The following SGCG variants were observed in gnomAD, a reference collection of about 807,000 sequenced individuals.
SGCG encodes gamma-sarcoglycan.
In SGCG, 26 loss-of-function variants were observed where a neutral mutation model predicts 29.3. The observed-to-expected ratio is 0.89, with a 90% CI of 0.65 to 1.23. SGCG has a LOEUF of 1.23. Among genes scored for constraint, SGCG ranks in the 50% most tolerant of loss-of-function variants. SGCG has a pLI of 0.00. For synonymous variants in SGCG, 145 were observed against 129.7 expected (o/e 1.12, Z -0.80); for missense variants, 353 against 356.0 (o/e 0.99, Z 0.07).
chr13:23,320,911 G>T, intron 7 of SGCG, 151 bp downstream of exon 7: 1 of 840,842 alleles, frequency 1.2e-6, no homozygotes, highest in Non-Finnish European at 1.9e-6. Flanking sequence ...GAAAGCAAAA[G>T]ACAATTTAGC....
intron 4 of SGCG, among the ~76,000 whole-genome samples, chr13:23,251,500 A>G (rs949494628): frequency 6.6e-6 from 1 of 152,206 alleles, no homozygotes; most frequent in Non-Finnish European, 1.5e-5. Context: ...GAAGGAATGC[A>G]GGCCAGGCAT....
In SGCG at chr13:23,320,617, G is replaced by GTTTTTT; in HGVS notation, c.579-20_579-19insTTTTTT. The GTTTTTT allele has an allele frequency of 3.3e-5, 30 of 912,330 alleles. No individual in the cohort carries two copies. The highest frequency in any genetic ancestry group is 1.8e-4 in the East Asian group (5 of 27,302). 56.5% of individuals were successfully genotyped at this position (912,330 alleles called of 1,614,324 possible). ...TAATACTTTTTTTTTTTTTTTTTGT[G>GTTTTTT]CTTCTTTTCCTCATCTCAGATTAGA... On this transcript the variant is annotated intron_variant, in intron 6 of 7. Coordinates refer to ENST00000218867, the MANE Select transcript of SGCG (RefSeq NM_000231.3).
In SGCG at chr13:23,301,542, C is replaced by T. The variant is rs140036833; in HGVS notation, c.578+6055C>T. Among the ~76,000 whole-genome samples, 8 of 152,124 alleles carry T rather than the reference C, an allele frequency of 5.3e-5. 1 individual carries two copies. In the East Asian group the frequency reaches 1.2e-3, roughly 22 times the overall value. ...ATGCTAACCAAAAGAAAGTAGGCAT[C>T]GCGATATTAATAGCAGACAGAATCA... is the stretch of plus-strand genomic sequence containing the variant. On this transcript the variant is annotated intron_variant, in intron 6 of 7. Transcript: ENST00000218867.
Position 23,181,885 on chromosome 13 carries a change from G to A in SGCG, c.-1+810G>A, listed in dbSNP as rs142489699. On this transcript the variant is annotated intron_variant, in intron 1 of 7. Transcript: ENST00000218867. ...GCAGACCAGTACAAAAACGAACTAC[G>A]GAATACACCGTTTGTTTTTTGCTTA... Among the ~76,000 whole-genome samples, 24 of 152,314 alleles carry A rather than the reference G, an allele frequency of 1.6e-4. No homozygotes were observed. The East Asian group carries it at 3.9e-3, about 24-fold the overall frequency.
chr13:23,170,317 T>G, the SGCG span, among the ~76,000 whole-genome samples: 715 of 152,336 alleles, frequency 4.7e-3, 8 homozygotes, highest in Non-Finnish European at 7.0e-3. Flanking sequence ...TCCTTTCCTA[T>G]GAAAACAAAT....
intron 4 of SGCG, among the ~76,000 whole-genome samples, chr13:23,272,595 A>G (rs73168687): frequency 0.05 from 7,626 of 152,136 alleles, 283 homozygotes; most frequent in Middle Eastern, 0.082. Context: ...ATACTAGCTT[A>G]TAGTATTTTT....
At chr13:23,250,311 C>G (rs1263713972) in intron 3 of SGCG, among the ~76,000 whole-genome samples, 2 of 152,126 alleles carry the variant, frequency 1.3e-5, no homozygotes, top group African/African-American at 4.8e-5. Context: ...TTGTAGGTGT[C>G]TTTCCTTGAC....
At chr13:23,291,875 GC>G (rs963987569) in intron 5 of SGCG, among the ~76,000 whole-genome samples, 70 of 152,254 alleles carry the variant, frequency 4.6e-4, no homozygotes, top group African/African-American at 1.7e-3. Flanking sequence ...AAATCGAGGG[GC>G]TGGGGAAAAA....
rs375501982 is a variant in SGCG at position 23,266,333 on chromosome 13, A to C, written c.386-13026A>C. Reference sequence around the variant, plus strand: ...TGATATATGTAATTGTGGTGTGTGGATATATACACCATGGAAATATATTCA... The same window carrying C: ...TGATATATGTAATTGTGGTGTGTGGCTATATACACCATGGAAATATATTCA... On this transcript the variant is annotated intron_variant, in intron 4 of 7. Coordinates refer to ENST00000218867, the MANE Select transcript of SGCG (RefSeq NM_000231.3). 2.0e-5 allele frequency among the ~76,000 whole-genome samples: 3 copies of C among 152,056 alleles called. No homozygotes were observed. In the East Asian group the frequency reaches 5.8e-4, roughly 29 times the overall value.
rs1008783914 is a variant in SGCG, at chr13:23,309,196, G to T, written c.579-11441G>T. On this transcript the variant is annotated intron_variant, in intron 6 of 7. Transcript: ENST00000218867. ...TAGTTTTTAAGCCAGCAACTTTACT[G>T]ATCATTGTTATTAGTTTACATATAT... is the stretch of plus-strand genomic sequence containing the variant. 9.9e-5 allele frequency among the ~76,000 whole-genome samples: 15 copies of T among 152,044 alleles called. No homozygotes were observed. In the South Asian group the frequency reaches 3.1e-3, roughly 32 times the overall value.
At chr13:23,308,857 C>G (rs982702480) in intron 6 of SGCG, among the ~76,000 whole-genome samples, 1 of 152,126 alleles carries the variant, frequency 6.6e-6, no homozygotes, top group Non-Finnish European at 1.5e-5. Flanking sequence ...AACTACCATG[C>G]CTGGACTGTT....
At chr13:23,194,229 G>C (rs563453115) in intron 1 of SGCG, among the ~76,000 whole-genome samples, 1 of 152,214 alleles carries the variant, frequency 6.6e-6, no homozygotes, top group African/African-American at 2.4e-5. Flanking sequence ...AAGGAAAATA[G>C]GTCAAAAATA....
chr13:23,319,225 G>A (rs948477306), intron 6 of SGCG, among the ~76,000 whole-genome samples: 1 of 151,762 alleles, frequency 6.6e-6, no homozygotes, highest in Non-Finnish European at 1.5e-5. Context: ...CTGAAGCCAG[G>A]AGGTTGTGGT....
chr13:23,257,979 G>A (rs556848045), intron 4 of SGCG, among the ~76,000 whole-genome samples: 4 of 152,214 alleles, frequency 2.6e-5, no homozygotes, highest in Non-Finnish European at 5.9e-5. Flanking sequence ...GTCAGGTAGG[G>A]TGGTTCCTCC....
intron 6 of SGCG, among the ~76,000 whole-genome samples, chr13:23,312,134 C>T (rs1300907450): frequency 5.9e-5 from 9 of 152,140 alleles, no homozygotes; most frequent in African/African-American, 1.7e-4. Context: ...GAAACAATGA[C>T]AATTTATTGC....
intron 5 of SGCG, among the ~76,000 whole-genome samples, chr13:23,289,819 A>T (rs375636516): frequency 3.2e-4 from 49 of 152,320 alleles, no homozygotes; most frequent in South Asian, 1.0e-3. Context: ...TTTTAGTTCA[A>T]TGGGGAGGCA....
At chr13:23,287,764 T>G (rs1468824551) in intron 5 of SGCG, among the ~76,000 whole-genome samples, 2 of 143,808 alleles carry the variant, frequency 1.4e-5, no homozygotes, top group Non-Finnish European at 3.1e-5. Flanking sequence ...TTGTTTGTTT[T>G]GTTTTGTTTT....
At chr13:23,171,505 G>A in the SGCG span, among the ~76,000 whole-genome samples, 308 of 152,294 alleles carry the variant, frequency 2.0e-3, 1 homozygote, top group African/African-American at 7.2e-3. Flanking sequence ...TCAGAGTACA[G>A]GATATCAGCC....
the SGCG span, among the ~76,000 whole-genome samples, chr13:23,161,216 T>G: frequency 6.6e-6 from 1 of 152,188 alleles, no homozygotes; most frequent in African/African-American, 2.4e-5. Context: ...CTTATACTCA[T>G]TACCTCCATT....
Sources: gnomAD v4.1 joint callset for allele counts (sites outside exome capture counted in the v4.1 genomes callset) on GRCh38, gnomAD v4.1.1 for gene constraint, MANE v1.5 for transcripts, NCBI Gene and HGNC (gene_info 2026-07-23, HGNC 2026-07-21) for gene names.